Variants in ZNF562 observed in about 807,000 individuals in gnomAD.
ZNF562 encodes zinc finger protein 562.
In ZNF562, 13 loss-of-function variants were observed where a neutral mutation model predicts 17.5. The ratio of observed to expected loss-of-function variants is 0.74; its 90% confidence interval spans 0.48 to 1.18. The LOEUF (loss-of-function observed/expected upper bound fraction) is 1.18, where lower values mean the gene tolerates loss of function less well. Among genes scored for constraint, ZNF562 ranks in the 50% most tolerant of loss-of-function variants. ZNF562 has a pLI of 0.00. For synonymous variants in ZNF562, 163 were observed against 165.4 expected, an observed-to-expected ratio of 0.99 and a Z score of 0.11; for missense variants, 481 against 498.5, an observed-to-expected ratio of 0.96 and a Z score of 0.33.
intron 4 of ZNF562, among the ~76,000 whole-genome samples, chr19:9,656,871 A>AAAAAAAAATAT (rs376933513): frequency 1.5e-4 from 21 of 142,442 alleles, no homozygotes; most frequent in South Asian, 4.4e-4. Context: ...AAAATACAAA[A>AAAAAAAAATAT]ATATATATAT....
intron 2 of ZNF562, among the ~76,000 whole-genome samples, chr19:9,660,035 G>A (rs1464323473): frequency 8.6e-6 from 1 of 115,992 alleles, no homozygotes; most frequent in African/African-American, 3.3e-5. Context: ...GTTGCAATGA[G>A]TCAAGATCAT....
rs2074780198 is a variant in ZNF562, at chr19:9,642,664, C to T, written c.*10285G>A. On this transcript the variant is annotated 3_prime_UTR_variant, in exon 6 of 6. Transcript: ENST00000453372. The stretch of plus-strand genomic sequence containing the variant: ...TGGAATACGAACAGGAACAATCAAT[C>T]TGAACTTTGTATCAAATGGGTAATA... The T allele has an allele frequency of 6.6e-6, 1 of 151,920 alleles. No individual in the cohort carries two copies. Among genetic ancestry groups the T allele is most frequent in the East Asian group, 1.9e-4 (1 of 5,186 alleles). The allele number at this position is 151,920 out of a possible 1,614,324, so 9.4% of individuals were successfully genotyped here.
chr19:9,655,688 GGGATTACAGGATT>G (rs371094722), intron 5 of ZNF562, among the ~76,000 whole-genome samples: 140 of 142,532 alleles, frequency 9.8e-4, no homozygotes, highest in Non-Finnish European at 1.9e-3. Context: ...CCAAAGTGCT[GGGATTACAGGATT>G]CACTTTCTTT....
intron 1 of ZNF562, among the ~76,000 whole-genome samples, chr19:9,662,846 C>A (rs1213749359): frequency 6.6e-6 from 1 of 151,902 alleles, no homozygotes; most frequent in South Asian, 2.1e-4. Context: ...TATGGTGAAA[C>A]CTCATCTCTA....
At chr19:9,669,708 ACGCGCGCGAGCGCGCG>A (rs1399316050) in intron 1 of ZNF562, among the ~76,000 whole-genome samples, 5 of 140,082 alleles carry the variant, frequency 3.6e-5, no homozygotes, top group Admixed American at 6.9e-5. Context: ...GTCTGCATGC[ACGCGCGCGAGCGCGCG>A]CGCGCGCGCG....
At position 9,644,084 on chromosome 19, in the gene ZNF562, C is replaced by G. The variant is rs144551474; in HGVS notation, c.*8865G>C. The G allele has an allele frequency of 6.6e-6, 1 of 152,006 alleles. No homozygotes were observed. Among genetic ancestry groups the G allele is most frequent in the African/African-American group, 2.4e-5 (1 of 41,388 alleles). The allele number at this position is 152,006 out of a possible 1,614,324, so 9.4% of individuals were successfully genotyped here. A position where few individuals can be genotyped will look rare whatever the true frequency, so the allele number is the denominator to read the frequency against. ...CTGGGATTACAGGCATGTGAGCCAC[C>G]GTACCTGGCTTACTTAGTGAATTTG... On this transcript the variant is annotated 3_prime_UTR_variant, in exon 6 of 6. Coordinates refer to ENST00000453372, the MANE Select transcript of ZNF562 (RefSeq NM_001130031.2).
chr19:9,642,577 C>T lies in ZNF562; in HGVS notation c.*10372G>A, dbSNP rs1446959738. On this transcript the variant is annotated 3_prime_UTR_variant, in exon 6 of 6. Coordinates refer to ENST00000453372, the MANE Select transcript of ZNF562 (RefSeq NM_001130031.2). Reference sequence around the variant, plus strand: ...CAACTGTGAGCCACTCTGCTTGGCCCTTTATTCTTTTACATATTTAATTTT... The same window carrying T: ...CAACTGTGAGCCACTCTGCTTGGCCTTTTATTCTTTTACATATTTAATTTT... The T allele has an allele frequency of 6.6e-6, 1 of 151,948 alleles. No homozygotes were observed. The highest frequency in any genetic ancestry group is 6.6e-5 in the Admixed American group (1 of 15,230). The allele number at this position is 151,948 out of a possible 1,614,324, so 9.4% of individuals were successfully genotyped here.
At chr19:9,656,510 A>T in intron 5 of ZNF562, 37 bp downstream of exon 5, 1 of 1,607,838 alleles carries the variant, frequency 6.2e-7, no homozygotes, top group Non-Finnish European at 8.5e-7. Context: ...GTCTCAAAAA[A>T]CAGAAGAAAA....
rs893517108 is a variant in ZNF562, at chr19:9,643,365, TAAG to T, written c.*9581_*9583del. 5 of 150,364 alleles carry T rather than the reference TAAG, an allele frequency of 3.3e-5. No individual in the cohort carries two copies. The highest frequency in any genetic ancestry group is 1.2e-4 in the African/African-American group (5 of 40,290). The allele number at this position is 150,364 out of a possible 1,614,324, so 9.3% of individuals were successfully genotyped here. ...CGAGACTCTGTCATTCATAAATAAA[TAAG>T]TTTAGAAAAAAAAAATGTGTCTGAA... is the stretch of plus-strand genomic sequence containing the variant. On this transcript the variant is annotated 3_prime_UTR_variant, in exon 6 of 6. Transcript: ENST00000453372.
intron 3 of ZNF562, among the ~76,000 whole-genome samples, chr19:9,658,879 A>G (rs1178343499): frequency 6.6e-6 from 1 of 151,946 alleles, no homozygotes; most frequent in Non-Finnish European, 1.5e-5. Context: ...TGCAGCTTCA[A>G]TCTCCTGGGC....
Position 9,657,064 on chromosome 19 carries a change from CAA to C in ZNF562, c.242-413_242-412del, listed in dbSNP as rs373215599. 3.1e-3 allele frequency among the ~76,000 whole-genome samples: 438 copies of C among 143,544 alleles called. 1 individual carries two copies. The highest frequency in any genetic ancestry group is 0.011 in the African/African-American group (418 of 39,146). The allele number at this position is 143,544 out of a possible 152,430, so 94.2% of individuals were successfully genotyped here. A position where few individuals can be genotyped will look rare whatever the true frequency, so the allele number is the denominator to read the frequency against. On this transcript the variant is annotated intron_variant, in intron 4 of 5. Coordinates refer to ENST00000453372, the MANE Select transcript of ZNF562 (RefSeq NM_001130031.2). The stretch of plus-strand genomic sequence containing the variant: ...CAAAAAAAAAAAAGAAAAAAGAAAA[CAA>C]GAGAACCTTGAGGATTTTGGTATGT...
chr19:9,668,096 C>G (rs1485255981), intron 1 of ZNF562, among the ~76,000 whole-genome samples: 1 of 152,052 alleles, frequency 6.6e-6, no homozygotes, highest in African/African-American at 2.4e-5. Context: ...AATGCCAGCA[C>G]CAGGCATGAT....
intron 4 of ZNF562, among the ~76,000 whole-genome samples, chr19:9,657,512 C>T (rs573392578): frequency 1.4e-4 from 21 of 151,142 alleles, no homozygotes; most frequent in African/African-American, 4.8e-4. Context: ...CTGAGAAAAA[C>T]AGCTTAAATC....
chr19:9,651,556 G>A lies in ZNF562; in HGVS notation c.*1393C>T, dbSNP rs1048886113. 5.9e-5 allele frequency: 9 copies of A among 152,204 alleles called. No homozygotes were observed. The highest frequency in any genetic ancestry group is 2.2e-4 in the African/African-American group (9 of 41,448). 9.4% of individuals were successfully genotyped at this position (152,204 alleles called of 1,614,324 possible). A position where few individuals can be genotyped will look rare whatever the true frequency, so the allele number is the denominator to read the frequency against. On this transcript the variant is annotated 3_prime_UTR_variant, in exon 6 of 6. Transcript: ENST00000453372. ...TGATGGCTATGACGCCCATGCTGGA[G>A]GCTGCTGGTTTACCAGAATGAGGGC...
intron 1 of ZNF562, among the ~76,000 whole-genome samples, chr19:9,671,890 G>A (rs894319616): frequency 1.3e-5 from 2 of 152,202 alleles, no homozygotes; most frequent in African/African-American, 4.8e-5. Flanking sequence ...CATGGGACAT[G>A]AAGTAACTAA....
At chr19:9,655,253 T>C (rs1178560045) in intron 5 of ZNF562, among the ~76,000 whole-genome samples, 1 of 152,168 alleles carries the variant, frequency 6.6e-6, no homozygotes, top group Admixed American at 6.6e-5. Flanking sequence ...CTTCCCAAAG[T>C]GCTGGGATTG....
At chr19:9,665,126 G>T (rs985346001) in intron 1 of ZNF562, among the ~76,000 whole-genome samples, 6 of 151,724 alleles carry the variant, frequency 4.0e-5, no homozygotes, top group Non-Finnish European at 7.4e-5. Flanking sequence ...GGATACTGAG[G>T]TTGGAGAATT....
At chr19:9,673,305 C>T (rs567179705) in intron 1 of ZNF562, among the ~76,000 whole-genome samples, 26 of 152,262 alleles carry the variant, frequency 1.7e-4, no homozygotes, top group African/African-American at 3.9e-4. Context: ...GGTGTACTCT[C>T]GCCATCACTC....
At chr19:9,669,734 G>GAGCGCGCACGCGCGCGCGCACACA (rs2044097826) in intron 1 of ZNF562, among the ~76,000 whole-genome samples, 2 of 109,302 alleles carry the variant, frequency 1.8e-5, no homozygotes, top group Non-Finnish European at 3.7e-5. Flanking sequence ...GCGCGCGCGC[G>GAGCGCGCACGCGCGCGCGCACACA]CACACACACA....
Sources: gnomAD v4.1 joint callset for allele counts (sites outside exome capture counted in the v4.1 genomes callset) on GRCh38, gnomAD v4.1.1 for gene constraint, MANE v1.5 for transcripts, NCBI Gene and HGNC (gene_info 2026-07-23, HGNC 2026-07-21) for gene names.